KANSL1: variants seen among roughly 807,000 people sequenced by gnomAD.
KANSL1 encodes the protein MLL1/MLL complex subunit KANSL1.
In KANSL1, 22 loss-of-function variants were observed where a neutral mutation model predicts 103.6. That is an observed-to-expected ratio of 0.21 (90% CI 0.15 to 0.30). KANSL1 has a LOEUF of 0.30. KANSL1 is among the 10% of genes least tolerant of loss of function. KANSL1 has a pLI of 1.00. For missense variants in KANSL1, 1,337 were observed against 1,399.8 expected, an observed-to-expected ratio of 0.96 and a Z score of 0.72; for synonymous variants, 600 against 527.6, an observed-to-expected ratio of 1.14 and a Z score of -1.88.
intron 2 of KANSL1, among the ~76,000 whole-genome samples, chr17:46,099,971 C>T (rs62061808): frequency 0.14 from 21,656 of 151,936 alleles, 2,119 homozygotes; most frequent in Non-Finnish European, 0.22. Context: ...GAATAGTACA[C>T]CTTAATGTTA....
At chr17:46,180,280 G>A (rs1419554535) in intron 1 of KANSL1, among the ~76,000 whole-genome samples, 1 of 151,976 alleles carries the variant, frequency 6.6e-6, no homozygotes, top group Non-Finnish European at 1.5e-5. Context: ...TGGATCACCT[G>A]AGGTCAGGAG....
chr17:46,173,433 A>C (rs1261495123), intron 1 of KANSL1, among the ~76,000 whole-genome samples: 1 of 152,186 alleles, frequency 6.6e-6, no homozygotes, highest in East Asian at 1.9e-4. Flanking sequence ...TAAAAATCTC[A>C]GTCATTTGCC....
chr17:46,062,140 T>C lies in KANSL1; in HGVS notation c.1848+4397A>G, dbSNP rs1434478942. ...AAACAAAAAAAAAAAAAAAACATGT[T>C]ACAGCAGATTTACCTCCCCCAAAAT... On this transcript the variant is annotated intron_variant, in intron 6 of 14. Transcript: ENST00000432791. 2.8e-5 allele frequency among the ~76,000 whole-genome samples: 4 copies of C among 143,136 alleles called. No homozygotes were observed. In the East Asian group the frequency reaches 6.1e-4, roughly 22 times the overall value. 93.9% of individuals were successfully genotyped at this position (143,136 alleles called of 152,430 possible).
At chr17:46,043,706 T>C (rs2077405583) in intron 7 of KANSL1, 1 of 152,246 alleles carries the variant, frequency 6.6e-6, no homozygotes, top group African/African-American at 2.4e-5. Context: ...AACTCTAAAA[T>C]GTTTAGTCAA....
intron 2 of KANSL1, among the ~76,000 whole-genome samples, chr17:46,150,571 T>TA (rs2045035731): frequency 6.6e-6 from 1 of 152,230 alleles, no homozygotes; most frequent in South Asian, 2.1e-4. Flanking sequence ...TTCCTACAAC[T>TA]AAATTCCTTT....
chr17:46,084,457 G>A (rs2079089577), intron 3 of KANSL1, among the ~76,000 whole-genome samples: 1 of 151,758 alleles, frequency 6.6e-6, no homozygotes. Context: ...CCTAGCACTT[G>A]GGGAGGTTGA....
intron 2 of KANSL1, 60 bp from the exon 3 acceptor site, chr17:46,094,761 G>C: frequency 1.9e-6 from 3 of 1,596,616 alleles, no homozygotes; most frequent in East Asian, 2.2e-5. Flanking sequence ...ACCAGATTGG[G>C]GGGTGGGGAG....
chr17:46,117,728 C>A (rs1279818465), intron 2 of KANSL1, among the ~76,000 whole-genome samples: 1 of 152,078 alleles, frequency 6.6e-6, no homozygotes, highest in Non-Finnish European at 1.5e-5. Flanking sequence ...AAAATTAAAA[C>A]ATAAATAAAT....
intron 1 of KANSL1, among the ~76,000 whole-genome samples, chr17:46,214,901 T>C (rs927961486): frequency 3.3e-5 from 5 of 152,262 alleles, no homozygotes; most frequent in African/African-American, 1.2e-4. Flanking sequence ...AGTATGTCAT[T>C]TAATCTGCAT....
intron 6 of KANSL1, among the ~76,000 whole-genome samples, chr17:46,059,373 C>T (rs2078063772): frequency 6.6e-6 from 1 of 151,990 alleles, no homozygotes; most frequent in Non-Finnish European, 1.5e-5. Context: ...AATCCCAGCA[C>T]TTTGGGAGGC....
chr17:46,148,291 GGGAGA>G, intron 2 of KANSL1: 2 of 152,318 alleles, frequency 1.3e-5, no homozygotes, highest in South Asian at 4.1e-4. Context: ...GAAGAGAACT[GGGAGA>G]GGAGGAACAT....
chr17:46,104,510 C>T (rs2042448402), intron 2 of KANSL1, among the ~76,000 whole-genome samples: 1 of 152,190 alleles, frequency 6.6e-6, no homozygotes, highest in South Asian at 2.1e-4. Context: ...ATTATCCATG[C>T]CTCCTTATGG....
chr17:46,053,413 C>A (rs1048943013), intron 6 of KANSL1, among the ~76,000 whole-genome samples: 9 of 152,086 alleles, frequency 5.9e-5, no homozygotes, highest in Non-Finnish European at 8.8e-5. Context: ...CTGTAAAGTA[C>A]TAATAGAACC....
intron 1 of KANSL1, among the ~76,000 whole-genome samples, chr17:46,180,875 ATATATG>A (rs566673741): frequency 9.3e-4 from 142 of 152,298 alleles, no homozygotes; most frequent in African/African-American, 3.1e-3. Flanking sequence ...ACACACACAT[ATATATG>A]TATATGTATA....
At chr17:46,182,256 A>G (rs1053666108) in intron 1 of KANSL1, among the ~76,000 whole-genome samples, 6 of 152,236 alleles carry the variant, frequency 3.9e-5, no homozygotes, top group Admixed American at 6.5e-5. Flanking sequence ...AAAAATTGAC[A>G]CAATCAAAAT....
chr17:46,061,962 G>A (rs1168923605), intron 6 of KANSL1, among the ~76,000 whole-genome samples: 1 of 151,610 alleles, frequency 6.6e-6, no homozygotes, highest in South Asian at 2.1e-4. Context: ...CGTCGTCGTG[G>A]GTGCCTGTGA....
chr17:46,146,315 CA>C (rs2044696480), intron 2 of KANSL1, among the ~76,000 whole-genome samples: 1 of 152,344 alleles, frequency 6.6e-6, no homozygotes, highest in African/African-American at 2.4e-5. Flanking sequence ...GCCATCTTAT[CA>C]GCTCTATTTA....
At chr17:46,074,613 A>G (rs2078691318) in intron 4 of KANSL1, among the ~76,000 whole-genome samples, 1 of 151,968 alleles carries the variant, frequency 6.6e-6, no homozygotes, top group Admixed American at 6.6e-5. Flanking sequence ...CAAAAAACAT[A>G]AAAATGTGCC....
intron 6 of KANSL1, among the ~76,000 whole-genome samples, chr17:46,059,093 T>C (rs2078053545): frequency 6.6e-6 from 1 of 151,272 alleles, no homozygotes; most frequent in Non-Finnish European, 1.5e-5. Context: ...GCAGAGCTTT[T>C]GGTACTCTTG....
Sources: gnomAD v4.1 joint callset for allele counts (sites outside exome capture counted in the v4.1 genomes callset) on GRCh38, gnomAD v4.1.1 for gene constraint, MANE v1.5 for transcripts, NCBI Gene and HGNC (gene_info 2026-07-23, HGNC 2026-07-21) for gene names.